IL23R: variants seen among roughly 807,000 people sequenced by gnomAD.
IL23R encodes the protein interleukin 23 receptor.
Under a neutral mutation model 56.9 loss-of-function variants are expected in IL23R, and 34 were observed. The ratio of observed to expected loss-of-function variants is 0.60; its 90% CI spans 0.45 to 0.80. The LOEUF (loss-of-function observed/expected upper bound fraction) is 0.80, where lower values mean the gene tolerates loss of function less well. Among genes scored for constraint, IL23R ranks in the 30% least tolerant of loss-of-function variants. IL23R has a pLI of 0.00. For missense variants in IL23R, 635 were observed against 730.0 expected (o/e 0.87, Z 1.50); for synonymous variants, 230 against 249.2 (o/e 0.92, Z 0.73).
intron 1 of IL23R, among the ~76,000 whole-genome samples, chr1:67,144,885 CCA>C (rs1349485630): frequency 5.3e-5 from 8 of 152,182 alleles, no homozygotes; most frequent in Non-Finnish European, 8.8e-5. Flanking sequence ...CTCTGAAACT[CCA>C]GTTTCATTTT....
chr1:67,204,409 C>T (rs554404601), intron 5 of IL23R, among the ~76,000 whole-genome samples: 1 of 152,132 alleles, frequency 6.6e-6, no homozygotes, highest in Non-Finnish European at 1.5e-5. Context: ...TCTTGTGTAA[C>T]AAACTAAATA....
rs1343258303 is a variant in IL23R, at chr1:67,220,291, C to T, written c.955+561C>T. ...GGCTGAGGCAGGAAAATTGCTTGAACCCAAGAAGTGGAGGTTGCAGTGAAC... is the reference window on the plus strand; with the variant it reads ...GGCTGAGGCAGGAAAATTGCTTGAATCCAAGAAGTGGAGGTTGCAGTGAAC... On this transcript the variant is annotated intron_variant, in intron 7 of 10. Coordinates refer to ENST00000347310, the MANE Select transcript of IL23R (RefSeq NM_144701.3). Among the ~76,000 whole-genome samples, 4 of 151,904 alleles carry T rather than the reference C, an allele frequency of 2.6e-5. No homozygotes were observed. The East Asian group carries it at 7.7e-4, about 29-fold the overall frequency.
chr1:67,236,864 C>G (rs1237177995), intron 8 of IL23R, 62 bp downstream of exon 8: 2 of 1,077,204 alleles, frequency 1.9e-6, no homozygotes, highest in African/African-American at 1.6e-5. Context: ...TTTAACCCAT[C>G]ATACTGAAAA....
At chr1:67,195,062 C>A (rs1648032102) in intron 4 of IL23R, among the ~76,000 whole-genome samples, 1 of 152,124 alleles carries the variant, frequency 6.6e-6, no homozygotes, top group Admixed American at 6.5e-5. Context: ...TAAATGGACA[C>A]ATAGTCTCAC....
At chr1:67,261,858 G>A (rs1448123274), downstream of IL23R, among the ~76,000 whole-genome samples, 4 of 152,172 alleles carry the variant, frequency 2.6e-5, no homozygotes, top group Admixed American at 1.3e-4. Flanking sequence ...CCACTGCAGC[G>A]AGTGCCTCCT....
intron 6 of IL23R, among the ~76,000 whole-genome samples, chr1:67,218,277 TATATATATACATAC>T (rs1326422686): frequency 3.6e-5 from 2 of 56,308 alleles, no homozygotes; most frequent in Non-Finnish European, 6.4e-5. Context: ...TACACATATA[TATATATATACATAC>T]ATATACATAT....
At chr1:67,195,227 T>G (rs1648050220) in intron 4 of IL23R, among the ~76,000 whole-genome samples, 1 of 152,100 alleles carries the variant, frequency 6.6e-6, no homozygotes, top group African/African-American at 2.4e-5. Flanking sequence ...GAGACAGGGT[T>G]TCACCACGTT....
At chr1:67,193,498 C>T (rs1015349297) in intron 4 of IL23R, among the ~76,000 whole-genome samples, 1 of 152,018 alleles carries the variant, frequency 6.6e-6, no homozygotes, top group Non-Finnish European at 1.5e-5. Context: ...CCATTATCAA[C>T]ATAAATCTGC....
chr1:67,147,914 G>A (rs114678522), intron 1 of IL23R, among the ~76,000 whole-genome samples: 1,598 of 152,062 alleles, frequency 0.011, 35 homozygotes, highest in African/African-American at 0.036. Context: ...GGGGTAAGCC[G>A]CTTCCAAGAT....
At chr1:67,261,395 G>C (rs1570938526), downstream of IL23R, among the ~76,000 whole-genome samples, 4 of 144,620 alleles carry the variant, frequency 2.8e-5, no homozygotes, top group African/African-American at 1.0e-4. Context: ...CTCCAAAAGG[G>C]TATTACTATT....
At chr1:67,224,127 C>A (rs1217927970) in intron 7 of IL23R, among the ~76,000 whole-genome samples, 2 of 152,152 alleles carry the variant, frequency 1.3e-5, no homozygotes, top group African/African-American at 4.8e-5. Flanking sequence ...CTGCCTTGGA[C>A]AAGTTTCCTT....
chr1:67,187,853 G>A (rs1487185039), intron 4 of IL23R, among the ~76,000 whole-genome samples: 1 of 152,038 alleles, frequency 6.6e-6, no homozygotes, highest in East Asian at 1.9e-4. Context: ...ATCACTTGAG[G>A]TCCGGAGTTC....
At chr1:67,180,217 G>T (rs879021290) in intron 3 of IL23R, among the ~76,000 whole-genome samples, 1 of 152,128 alleles carries the variant, frequency 6.6e-6, no homozygotes, top group African/African-American at 2.4e-5. Flanking sequence ...TGACAGTGGG[G>T]TGTTAAAGTC....
chr1:67,164,656 T>TAAAAG (rs745864093), upstream of IL23R, among the ~76,000 whole-genome samples: 1 of 151,054 alleles, frequency 6.6e-6, no homozygotes, highest in East Asian at 1.9e-4. Context: ...TAAAATAAAA[T>TAAAAG]AAAATAAAAT....
intron 6 of IL23R, among the ~76,000 whole-genome samples, chr1:67,211,032 CATTAAAAGTAA>C (rs774870814): frequency 6.6e-6 from 1 of 152,088 alleles, no homozygotes; most frequent in Non-Finnish European, 1.5e-5. Flanking sequence ...AAAAATTACT[CATTAAAAGTAA>C]ATTCCTTACG....
Position 67,169,422 on chromosome 1 carries a change from T to C in IL23R, c.151T>C (p.Tyr51His), listed in dbSNP as rs1011510628. 6.2e-7 allele frequency: 1 copy of C among 1,613,226 alleles called. No individual in the cohort carries two copies. The highest frequency in any genetic ancestry group is 1.3e-5 in the African/African-American group (1 of 75,040). Residue 51 changes from tyrosine (Y) to histidine (H), a missense_variant, in exon 3 of 11, where the codon TAT becomes CAT. Transcript: ENST00000347310. ...IFKMGMNISI[Y>H]CQAAIKNCQP... ...TAAGATGGGTATGAATATCTCTATA[T>C]ATTGCCAAGCAGCAATTAAGAACTG...
downstream of IL23R, among the ~76,000 whole-genome samples, chr1:67,263,863 C>CAA (rs11321157): frequency 9.6e-4 from 129 of 134,212 alleles, no homozygotes; most frequent in Non-Finnish European, 1.8e-3. Flanking sequence ...GACTCCATCG[C>CAA]AAAAAAAAAA....
chr1:67,250,024 C>T (rs1652506867), intron 9 of IL23R, among the ~76,000 whole-genome samples: 1 of 152,174 alleles, frequency 6.6e-6, no homozygotes, highest in African/African-American at 2.4e-5. Flanking sequence ...AAACCTTCCA[C>T]AATGTATTCA....
intron 1 of IL23R, among the ~76,000 whole-genome samples, chr1:67,156,082 T>C (rs1646767810): frequency 6.6e-6 from 1 of 152,150 alleles, no homozygotes; most frequent in Non-Finnish European, 1.5e-5. Context: ...TTGCTGGAGG[T>C]CCACTCCAGA....
Sources: allele counts gnomAD v4.1 joint callset (sites outside exome capture counted in the v4.1 genomes callset), GRCh38; gene constraint gnomAD v4.1.1; transcripts MANE v1.5; gene names NCBI Gene and HGNC (gene_info 2026-07-23, HGNC 2026-07-21).